The following DNAJC12 variants were observed in gnomAD, a reference collection of about 807,000 sequenced individuals.
DNAJC12 encodes the protein DnaJ heat shock protein family (Hsp40) member C12.
In DNAJC12, 25 loss-of-function variants were observed where a neutral mutation model predicts 28.5. The ratio of observed to expected loss-of-function variants is 0.88; its 90% CI spans 0.64 to 1.22. DNAJC12 has a LOEUF of 1.22. Among genes scored for constraint, DNAJC12 ranks in the 50% most tolerant of loss-of-function variants. The pLI is 0.00. For synonymous variants in DNAJC12, 77 were observed against 80.6 expected, an observed-to-expected ratio of 0.95 and a Z score of 0.24; for missense variants, 222 against 231.7, an observed-to-expected ratio of 0.96 and a Z score of 0.27.
At chr10:67,825,999 G>A (rs1316942862) in intron 1 of DNAJC12, among the ~76,000 whole-genome samples, 3 of 152,008 alleles carry the variant, frequency 2.0e-5, no homozygotes, top group Admixed American at 2.0e-4. Flanking sequence ...AAATTAGTAA[G>A]TCATTTATAA....
intron 1 of DNAJC12, among the ~76,000 whole-genome samples, chr10:67,828,764 C>T (rs1842062723): frequency 6.6e-6 from 1 of 151,530 alleles, no homozygotes; most frequent in South Asian, 2.1e-4. Flanking sequence ...AGGAATTTGT[C>T]TAAGGAGATA....
At chr10:67,827,836 C>T (rs1360501935) in intron 1 of DNAJC12, among the ~76,000 whole-genome samples, 1 of 152,060 alleles carries the variant, frequency 6.6e-6, no homozygotes, top group Non-Finnish European at 1.5e-5. Context: ...TTAAGAAAGT[C>T]TATATCTTTC....
chr10:67,832,861 C>T lies in DNAJC12; in HGVS notation c.78+5073G>A, dbSNP rs571110881. ...AGACACCTGACAGACATCACCTTAACGAAGTGCTCAAGGTCAATAAAGCAC... is the reference window on the plus strand; with the variant it reads ...AGACACCTGACAGACATCACCTTAATGAAGTGCTCAAGGTCAATAAAGCAC... On this transcript the variant is annotated intron_variant, in intron 1 of 4. Transcript: ENST00000225171. 1.5e-4 allele frequency among the ~76,000 whole-genome samples: 23 copies of T among 152,294 alleles called. No individual in the cohort carries two copies. In the South Asian group the frequency reaches 4.6e-3, roughly 30 times the overall value.
chr10:67,830,984 G>T (rs1299915742), intron 1 of DNAJC12, among the ~76,000 whole-genome samples: 1 of 152,154 alleles, frequency 6.6e-6, no homozygotes, highest in Non-Finnish European at 1.5e-5. Context: ...GTCAGGAATT[G>T]GAGACCAGGC....
intron 1 of DNAJC12, among the ~76,000 whole-genome samples, chr10:67,826,294 C>A (rs977459164): frequency 1.3e-5 from 2 of 151,332 alleles, no homozygotes; most frequent in African/African-American, 4.9e-5. Flanking sequence ...GCAACCACAC[C>A]CAGCTAATTT....
chr10:67,814,036 C>A (rs1337252854), intron 2 of DNAJC12, among the ~76,000 whole-genome samples: 279 of 122,824 alleles, frequency 2.3e-3, no homozygotes, highest in Middle Eastern at 4.2e-3. Context: ...CCAGAATTGC[C>A]AAAAAAAAAA....
At chr10:67,832,043 A>G (rs1268123331) in intron 1 of DNAJC12, among the ~76,000 whole-genome samples, 1 of 152,198 alleles carries the variant, frequency 6.6e-6, no homozygotes, top group Non-Finnish European at 1.5e-5. Context: ...AGGTGGGCAG[A>G]TCACCTGAGG....
chr10:67,798,039 CAGAA>C (rs1841696849), intron 4 of DNAJC12, among the ~76,000 whole-genome samples: 2 of 124,494 alleles, frequency 1.6e-5, no homozygotes, highest in African/African-American at 6.5e-5. Flanking sequence ...GATTCTGTCT[CAGAA>C]AAAAAAAAAA....
intron 2 of DNAJC12, among the ~76,000 whole-genome samples, chr10:67,815,523 A>AAG (rs1554884540): frequency 1.3e-5 from 2 of 151,106 alleles, no homozygotes. Flanking sequence ...AAAAAAAAAA[A>AAG]AAAAGAAAAG....
At chr10:67,810,540 G>A (rs540198903) in intron 3 of DNAJC12, among the ~76,000 whole-genome samples, 34 of 152,210 alleles carry the variant, frequency 2.2e-4, no homozygotes, top group Admixed American at 7.2e-4. Flanking sequence ...ATGCTTTTCC[G>A]TTCCAGAGGG....
chr10:67,823,735 G>GA (rs1842003223), intron 1 of DNAJC12, among the ~76,000 whole-genome samples: 1 of 151,552 alleles, frequency 6.6e-6, no homozygotes, highest in Non-Finnish European at 1.5e-5. Context: ...TGGCATGAAG[G>GA]AAGAAGTTGG....
chr10:67,832,814 T>C (rs961552706), intron 1 of DNAJC12, among the ~76,000 whole-genome samples: 4 of 152,110 alleles, frequency 2.6e-5, no homozygotes, highest in African/African-American at 7.2e-5. Context: ...ATAATAACCC[T>C]ACCTTGGAAA....
rs36099123 is a variant in DNAJC12 at position 67,805,698 on chromosome 10, A to C, written c.387T>G (p.Cys129Trp). Residue 129 changes from cysteine (C) to tryptophan (W), a missense_variant, in exon 4 of 5, where the codon TGT becomes TGG. Physicochemically the swap from Cys to Trp is radical, Grantham distance 215 (BLOSUM62 -2). Transcript: ENST00000225171. The stretch of plus-strand genomic sequence containing the variant: ...CTTTCTTTCTTTCTCTTTGCTCATT[A>C]CATTCCTCATTTTCCATCTTGGTGG... ...THTTKMENEE[C>W]NEQRERKKEE... The C allele has an allele frequency of 4.1e-3, 6,594 of 1,613,044 alleles. 234 individuals carry two copies. In the African/African-American group the frequency reaches 0.078, roughly 19 times the overall value.
intron 1 of DNAJC12, among the ~76,000 whole-genome samples, chr10:67,833,611 A>C (rs942769887): frequency 6.6e-6 from 1 of 152,166 alleles, no homozygotes; most frequent in African/African-American, 2.4e-5. Context: ...GGTAGGGTTA[A>C]CTATAGCAAT....
chr10:67,823,976 G>A (rs1305395588), intron 1 of DNAJC12, among the ~76,000 whole-genome samples: 2 of 151,902 alleles, frequency 1.3e-5, no homozygotes, highest in African/African-American at 4.8e-5. Flanking sequence ...GGTGGCTCAC[G>A]CCTGTAATCC....
At chr10:67,828,327 GTATC>G (rs1047924219) in intron 1 of DNAJC12, among the ~76,000 whole-genome samples, 5 of 152,064 alleles carry the variant, frequency 3.3e-5, no homozygotes, top group African/African-American at 1.2e-4. Context: ...ATATATGTGT[GTATC>G]TATCTCTCTA....
intron 2 of DNAJC12, among the ~76,000 whole-genome samples, chr10:67,812,765 T>C (rs1311155429): frequency 6.6e-6 from 1 of 150,960 alleles, no homozygotes; most frequent in African/African-American, 2.4e-5. Context: ...AGGCAGAGAA[T>C]TGCTTGAACC....
intron 1 of DNAJC12, 75 bp from the exon 2 acceptor site, chr10:67,823,467 T>C (rs754747840): frequency 1.5e-6 from 2 of 1,297,802 alleles, no homozygotes; most frequent in Non-Finnish European, 2.2e-6. Context: ...CTCAACACTT[T>C]GGGAGGCTGA....
At chr10:67,815,267 G>A (rs189593986) in intron 2 of DNAJC12, among the ~76,000 whole-genome samples, 1 of 152,284 alleles carries the variant, frequency 6.6e-6, no homozygotes, top group East Asian at 1.9e-4. Context: ...CCAGCACTTT[G>A]GGAGGCCAAG....
Sources: allele counts gnomAD v4.1 joint callset (sites outside exome capture counted in the v4.1 genomes callset), GRCh38; gene constraint gnomAD v4.1.1; transcripts MANE v1.5; gene names NCBI Gene and HGNC (gene_info 2026-07-23, HGNC 2026-07-21).